SQOR: variants seen among roughly 807,000 people sequenced by gnomAD.
SQOR encodes the protein sulfide quinone oxidoreductase.
A neutral mutation model predicts 48.6 loss-of-function variants in SQOR; 39 were observed. The observed-to-expected ratio is 0.80, with a 90% confidence interval of 0.62 to 1.05. The LOEUF (loss-of-function observed/expected upper bound fraction) is 1.05. Among genes scored for constraint, SQOR ranks in the 50% least tolerant of loss-of-function variants. SQOR has a pLI of 0.00. For missense variants in SQOR, 561 were observed against 559.9 expected, an observed-to-expected ratio of 1.00 and a Z score of -0.02; for synonymous variants, 220 against 206.2, an observed-to-expected ratio of 1.07 and a Z score of -0.57.
At chr15:45,689,891 G>A (rs1890291015) in intron 9 of SQOR, among the ~76,000 whole-genome samples, 2 of 152,078 alleles carry the variant, frequency 1.3e-5, no homozygotes, top group Non-Finnish European at 2.9e-5. Flanking sequence ...ATACATAGCT[G>A]TGTGTCCCAG....
chr15:45,677,695 G>GTATT (rs1195880143), intron 6 of SQOR, among the ~76,000 whole-genome samples: 9 of 151,974 alleles, frequency 5.9e-5, no homozygotes, highest in African/African-American at 1.2e-4. Flanking sequence ...GCTTTGATAT[G>GTATT]TATTTATTTA....
chr15:45,673,215 G>A (rs1158428282), intron 4 of SQOR, among the ~76,000 whole-genome samples: 1 of 152,210 alleles, frequency 6.6e-6, no homozygotes, highest in African/African-American at 2.4e-5. Context: ...CTGATAAAGA[G>A]TGATTTAAGT....
intron 4 of SQOR, among the ~76,000 whole-genome samples, chr15:45,672,898 C>G (rs1168954291): frequency 6.6e-6 from 1 of 152,152 alleles, no homozygotes; most frequent in Non-Finnish European, 1.5e-5. Flanking sequence ...CCTGAGTGTG[C>G]ATCTGAATCA....
intron 4 of SQOR, among the ~76,000 whole-genome samples, chr15:45,671,934 C>T (rs1156266775): frequency 6.6e-6 from 1 of 152,208 alleles, no homozygotes; most frequent in Non-Finnish European, 1.5e-5. Context: ...CCTCTCTCCC[C>T]TCCTCTCTAG....
At chr15:45,644,710 T>C (rs1895173444) in intron 1 of SQOR, among the ~76,000 whole-genome samples, 1 of 152,054 alleles carries the variant, frequency 6.6e-6, no homozygotes, top group South Asian at 2.1e-4. Context: ...AAGACTGTAT[T>C]GTGAGGCAGG....
chr15:45,667,870 C>T (rs575588221), intron 3 of SQOR, among the ~76,000 whole-genome samples: 11 of 151,860 alleles, frequency 7.2e-5, no homozygotes, highest in East Asian at 1.9e-4. Context: ...GGCCATTTAA[C>T]GGGCCTGGTG....
At chr15:45,649,549 C>T (rs781037650) in intron 1 of SQOR, among the ~76,000 whole-genome samples, 4 of 152,036 alleles carry the variant, frequency 2.6e-5, no homozygotes, top group Non-Finnish European at 4.4e-5. Flanking sequence ...AATCTTGGCT[C>T]ACTGCAACCT....
chr15:45,668,739 T>A (rs1889883782), intron 3 of SQOR, among the ~76,000 whole-genome samples: 1 of 152,214 alleles, frequency 6.6e-6, no homozygotes, highest in Non-Finnish European at 1.5e-5. Flanking sequence ...TAGTACAGGA[T>A]CATGGTAATC....
chr15:45,648,047 C>T (rs543865133), intron 1 of SQOR, among the ~76,000 whole-genome samples: 11 of 152,322 alleles, frequency 7.2e-5, no homozygotes, highest in African/African-American at 2.4e-4. Flanking sequence ...TACTCAAACC[C>T]TCAATTTTAT....
chr15:45,651,985 G>C (rs1194537726), intron 1 of SQOR, among the ~76,000 whole-genome samples: 3 of 151,056 alleles, frequency 2.0e-5, no homozygotes, highest in Non-Finnish European at 4.4e-5. Flanking sequence ...CGCCTCCTGG[G>C]TTCAAGCAAT....
chr15:45,690,731 A>T (rs1890308182), intron 9 of SQOR, among the ~76,000 whole-genome samples: 1 of 152,246 alleles, frequency 6.6e-6, no homozygotes, highest in African/African-American at 2.4e-5. Flanking sequence ...GAGGCTTTAG[A>T]CACATTTGCC....
chr15:45,654,169 C>T (rs1055979221), intron 1 of SQOR, among the ~76,000 whole-genome samples: 2 of 151,440 alleles, frequency 1.3e-5, no homozygotes, highest in Non-Finnish European at 2.9e-5. Context: ...GCATTATTGC[C>T]CTGGTTTGTT....
At chr15:45,685,518 C>T (rs1890207437) in intron 7 of SQOR, among the ~76,000 whole-genome samples, 1 of 152,174 alleles carries the variant, frequency 6.6e-6, no homozygotes, top group Admixed American at 6.5e-5. Context: ...CAAAAGTTAA[C>T]TGAAGGCATG....
chr15:45,670,017 T>C, intron 4 of SQOR, 36 bp downstream of exon 4: 1 of 1,596,562 alleles, frequency 6.3e-7, no homozygotes, highest in Admixed American at 1.7e-5. Flanking sequence ...TACGCTGGCT[T>C]ATCTATGCCA....
chr15:45,676,080 T>C (rs773664486), intron 5 of SQOR, 21 bp from the exon 6 acceptor site: 2 of 1,600,758 alleles, frequency 1.2e-6, no homozygotes, highest in South Asian at 1.1e-5. Context: ...TTGGTGTGAA[T>C]GGTTTTCTTA....
intron 6 of SQOR, among the ~76,000 whole-genome samples, chr15:45,677,923 G>A (rs557490766): frequency 1.3e-5 from 2 of 152,222 alleles, no homozygotes; most frequent in South Asian, 2.1e-4. Context: ...GGCCAGGCTG[G>A]TCTCGAACTG....
chr15:45,668,673 G>A (rs1423766613), intron 3 of SQOR, among the ~76,000 whole-genome samples: 1 of 152,162 alleles, frequency 6.6e-6, no homozygotes, highest in East Asian at 1.9e-4. Flanking sequence ...CTCAGGTCTT[G>A]GAGTCCTCTC....
chr15:45,632,337 A>C (rs2140932850), upstream of SQOR, among the ~76,000 whole-genome samples: 1 of 151,884 alleles, frequency 6.6e-6, no homozygotes, highest in African/African-American at 2.4e-5. Context: ...CTCCTGCCTC[A>C]GCCTCCCGAG....
At chr15:45,661,911 T>C (rs746135742) in intron 2 of SQOR, 44 bp from the exon 3 acceptor site, 7 of 1,582,010 alleles carry the variant, frequency 4.4e-6, no homozygotes, top group Admixed American at 1.8e-5. Flanking sequence ...CCCCTTTTGA[T>C]CAGTGTCAAA....
Sources: allele counts gnomAD v4.1 joint callset (sites outside exome capture counted in the v4.1 genomes callset), GRCh38; gene constraint gnomAD v4.1.1; transcripts MANE v1.5; gene names NCBI Gene and HGNC (gene_info 2026-07-23, HGNC 2026-07-21).